The following DYNC1I1 variants were observed in gnomAD, a reference collection of about 807,000 sequenced individuals.
DYNC1I1 encodes dynein cytoplasmic 1 intermediate chain 1, also known as cytoplasmic dynein 1 intermediate chain 1.
In DYNC1I1, 43 loss-of-function variants were observed where a neutral mutation model predicts 86.6. The observed-to-expected ratio is 0.50, with a 90% CI of 0.39 to 0.64. The LOEUF is 0.64. DYNC1I1 is among the 30% of genes least tolerant of loss of function. The pLI, the probability that DYNC1I1 is intolerant of heterozygous loss-of-function variation, is 0.00. For synonymous variants in DYNC1I1, 262 were observed against 283.7 expected, an observed-to-expected ratio of 0.92 and a Z score of 0.77; for missense variants, 604 against 788.8, an observed-to-expected ratio of 0.77 and a Z score of 2.81.
chr7:95,940,166 C>A (rs1053147877), intron 6 of DYNC1I1, among the ~76,000 whole-genome samples: 2 of 152,008 alleles, frequency 1.3e-5, no homozygotes, highest in African/African-American at 2.4e-5. Flanking sequence ...CCGAGAGATC[C>A]GCTGTTAGTC....
chr7:95,837,195 C>A (rs1379946138), intron 5 of DYNC1I1, among the ~76,000 whole-genome samples: 1 of 150,004 alleles, frequency 6.7e-6, no homozygotes, highest in East Asian at 2.0e-4. Flanking sequence ...CAGACAGGAC[C>A]CTCAGCTGCA....
At chr7:95,951,915 C>T (rs1584193597) in intron 6 of DYNC1I1, among the ~76,000 whole-genome samples, 2 of 152,286 alleles carry the variant, frequency 1.3e-5, no homozygotes, top group South Asian at 2.1e-4. Flanking sequence ...TCTCCACAGC[C>T]TCATGGAACA....
intron 6 of DYNC1I1, among the ~76,000 whole-genome samples, chr7:95,965,968 A>G (rs183151581): frequency 1.3e-5 from 2 of 152,226 alleles, no homozygotes; most frequent in East Asian, 1.9e-4. Flanking sequence ...CTTCTTTTTC[A>G]TGTTCCATGT....
chr7:95,870,231 C>T (rs1165151698), intron 6 of DYNC1I1, among the ~76,000 whole-genome samples: 2 of 152,198 alleles, frequency 1.3e-5, no homozygotes, highest in African/African-American at 4.8e-5. Context: ...GTTTATCTCA[C>T]TACATCGAAA....
At chr7:96,093,476 T>C (rs1790905812) in intron 16 of DYNC1I1, among the ~76,000 whole-genome samples, 1 of 152,246 alleles carries the variant, frequency 6.6e-6, no homozygotes, top group South Asian at 2.1e-4. Flanking sequence ...AATGGGATTG[T>C]ATCATATCTA....
At chr7:95,944,515 C>G (rs1486262926) in intron 6 of DYNC1I1, among the ~76,000 whole-genome samples, 1 of 152,168 alleles carries the variant, frequency 6.6e-6, no homozygotes, top group Non-Finnish European at 1.5e-5. Context: ...CCAGCCATCC[C>G]ATTACTGGGT....
At chr7:95,786,577 A>G (rs1378062378) in intron 1 of DYNC1I1, among the ~76,000 whole-genome samples, 1 of 152,188 alleles carries the variant, frequency 6.6e-6, no homozygotes, top group African/African-American at 2.4e-5. Context: ...AAAAAGACTC[A>G]TTATACCGAA....
chr7:95,815,785 G>A (rs565008923), intron 4 of DYNC1I1, among the ~76,000 whole-genome samples: 2 of 152,196 alleles, frequency 1.3e-5, no homozygotes, highest in East Asian at 1.9e-4. Context: ...TCTTTCAGAA[G>A]ATAACAAGAA....
intron 16 of DYNC1I1, among the ~76,000 whole-genome samples, chr7:96,088,285 T>G (rs2116303177): frequency 6.6e-6 from 1 of 152,276 alleles, no homozygotes; most frequent in East Asian, 1.9e-4. Context: ...CCCTAATATC[T>G]AATATTATAA....
intron 3 of DYNC1I1, among the ~76,000 whole-genome samples, 179 bp downstream of exon 3, chr7:95,810,685 T>G (rs1794810383): frequency 1.2e-5 from 1 of 85,962 alleles, no homozygotes; most frequent in African/African-American, 6.6e-5. Context: ...TGGAAGGAGA[T>G]GGGAGGAAAG....
chr7:95,819,553 G>A (rs998453593), intron 4 of DYNC1I1, among the ~76,000 whole-genome samples: 1 of 152,028 alleles, frequency 6.6e-6, no homozygotes. Context: ...TAAATCAGAG[G>A]CTAAAGGGAA....
intron 6 of DYNC1I1, among the ~76,000 whole-genome samples, chr7:95,915,463 A>G (rs574387472): frequency 6.6e-6 from 1 of 152,320 alleles, no homozygotes; most frequent in East Asian, 1.9e-4. Context: ...TTTTATTTCT[A>G]TACACTTCAG....
intron 5 of DYNC1I1, among the ~76,000 whole-genome samples, chr7:95,842,213 A>G (rs1225235260): frequency 6.6e-6 from 1 of 152,172 alleles, no homozygotes; most frequent in Non-Finnish European, 1.5e-5. Context: ...TTTGAGACAA[A>G]TTAAGAGTCC....
At chr7:95,799,643 T>G (rs1276031889) in intron 1 of DYNC1I1, among the ~76,000 whole-genome samples, 1 of 152,020 alleles carries the variant, frequency 6.6e-6, no homozygotes, top group Non-Finnish European at 1.5e-5. Context: ...TTAAAAAGTT[T>G]TTTTTTTTTT....
chr7:95,895,724 CA>C (rs59501561), intron 6 of DYNC1I1, among the ~76,000 whole-genome samples: 27 of 150,028 alleles, frequency 1.8e-4, no homozygotes, highest in Non-Finnish European at 2.7e-4. Flanking sequence ...AAGTCATTAG[CA>C]AAAAAAAAGT....
chr7:95,868,060 C>A (rs1790060337), intron 5 of DYNC1I1, among the ~76,000 whole-genome samples: 1 of 152,158 alleles, frequency 6.6e-6, no homozygotes, highest in Non-Finnish European at 1.5e-5. Context: ...TTCCCCATTT[C>A]TGTGTAAGAA....
intron 5 of DYNC1I1, among the ~76,000 whole-genome samples, chr7:95,835,222 G>T (rs970027716): frequency 1.9e-5 from 2 of 102,746 alleles, no homozygotes; most frequent in Non-Finnish European, 3.8e-5. Flanking sequence ...CCTTCATTTC[G>T]TTATGTACCC....
At chr7:95,775,529 T>G (rs1303809772) in intron 1 of DYNC1I1, among the ~76,000 whole-genome samples, 1 of 152,218 alleles carries the variant, frequency 6.6e-6, no homozygotes, top group African/African-American at 2.4e-5. Context: ...TCTGTATCTT[T>G]CAGGTTTGCT....
rs545449528 is a variant in DYNC1I1 at position 95,893,674 on chromosome 7, G to C, written c.490+23676G>C. Among the ~76,000 whole-genome samples the C allele has an allele frequency of 2.6e-5, 4 of 152,266 alleles. 1 individual carries two copies. The highest frequency in any genetic ancestry group is 6.8e-3 in the Middle Eastern group (2 of 294). ...CAAGTGTACAGATTTAGGTATCAAA[G>C]ACTGCTGATGATGCAAAACCTAGAG... On this transcript the variant is annotated intron_variant, in intron 6 of 16. Transcript: ENST00000447467.
Sources: allele counts gnomAD v4.1 joint callset (sites outside exome capture counted in the v4.1 genomes callset), GRCh38; gene constraint gnomAD v4.1.1; transcripts MANE v1.5; gene names NCBI Gene and HGNC (gene_info 2026-07-23, HGNC 2026-07-21).